Variants in ST3GAL3 observed in about 807,000 individuals in gnomAD.
The protein encoded by ST3GAL3 is CMP-N-acetylneuraminate-beta-1,4-galactoside alpha-2,3-sialyltransferase.
ST3GAL3 carries 21 observed loss-of-function variants against 50.1 expected under a neutral mutation model. The ratio of observed to expected loss-of-function variants is 0.42; its 90% CI spans 0.30 to 0.60. ST3GAL3 has a LOEUF of 0.60. Ranked by LOEUF, ST3GAL3 falls within the 20% of genes least tolerant of loss-of-function variation. The pLI is 0.19. For missense variants in ST3GAL3, 353 were observed against 489.4 expected (o/e 0.72, Z 2.63); for synonymous variants, 183 against 190.0 (o/e 0.96, Z 0.30).
chr1:43,712,806 A>G (rs1273858983), intron 1 of ST3GAL3, among the ~76,000 whole-genome samples: 1 of 152,208 alleles, frequency 6.6e-6, no homozygotes, highest in African/African-American at 2.4e-5. Context: ...TCCTAAAGAC[A>G]CTGGTGTGGC....
intron 9 of ST3GAL3, among the ~76,000 whole-genome samples, chr1:43,917,601 TATTA>T (rs1475011061): frequency 6.5e-5 from 1 of 15,366 alleles, no homozygotes; most frequent in Admixed American, 1.4e-3. Context: ...ATAATATATA[TATTA>T]TATATTATAT....
At chr1:43,907,431 A>G (rs2079990284) in intron 9 of ST3GAL3, among the ~76,000 whole-genome samples, 1 of 152,178 alleles carries the variant, frequency 6.6e-6, no homozygotes, top group South Asian at 2.1e-4. Flanking sequence ...GTAGCATCTC[A>G]GTGCTGCTTC....
At chr1:43,870,387 C>T (rs1348189651) in intron 5 of ST3GAL3, among the ~76,000 whole-genome samples, 1 of 152,228 alleles carries the variant, frequency 6.6e-6, no homozygotes. Flanking sequence ...GCCGCCAGGC[C>T]GTCACAATCA....
chr1:43,852,080 G>A (rs1409458629), intron 5 of ST3GAL3, among the ~76,000 whole-genome samples: 2 of 152,194 alleles, frequency 1.3e-5, no homozygotes, highest in Non-Finnish European at 2.9e-5. Context: ...GCAGACTAAG[G>A]AGCAGGCAGT....
intron 3 of ST3GAL3, among the ~76,000 whole-genome samples, chr1:43,808,547 G>A (rs1425001872): frequency 1.3e-5 from 2 of 152,212 alleles, no homozygotes; most frequent in Non-Finnish European, 2.9e-5. Flanking sequence ...TCTGAAAGAA[G>A]GGAAGCAGAT....
chr1:43,916,192 A>T (rs2081771149), intron 9 of ST3GAL3, among the ~76,000 whole-genome samples: 1 of 152,216 alleles, frequency 6.6e-6, no homozygotes, highest in South Asian at 2.1e-4. Context: ...TGTACCATTT[A>T]TGTTTCAGTT....
chr1:43,879,404 G>A (rs1358785304), intron 5 of ST3GAL3: 4 of 456,228 alleles, frequency 8.8e-6, no homozygotes, highest in South Asian at 1.5e-5. Context: ...TGGCCTCCTC[G>A]AGAGAATGGA....
At chr1:43,775,234 T>A (rs1696732101) in intron 2 of ST3GAL3, among the ~76,000 whole-genome samples, 2 of 128,858 alleles carry the variant, frequency 1.6e-5, no homozygotes, top group South Asian at 4.5e-4. Flanking sequence ...GAAATCTGAA[T>A]TTTTTTTTTT....
intron 2 of ST3GAL3, among the ~76,000 whole-genome samples, chr1:43,780,747 TTATGATATCC>T (rs1699106633): frequency 6.6e-6 from 1 of 152,172 alleles, no homozygotes; most frequent in South Asian, 2.1e-4. Flanking sequence ...AATATATTTT[TTATGATATCC>T]TCCACCTGTT....
intron 2 of ST3GAL3, among the ~76,000 whole-genome samples, chr1:43,752,395 T>C (rs1490907722): frequency 6.6e-6 from 1 of 152,240 alleles, no homozygotes; most frequent in Admixed American, 6.5e-5. Flanking sequence ...TCAAAGTTTG[T>C]GCTCTCAGTA....
At chr1:43,852,944 G>GT (rs776987113) in intron 5 of ST3GAL3, among the ~76,000 whole-genome samples, 6 of 152,146 alleles carry the variant, frequency 3.9e-5, no homozygotes, top group Admixed American at 6.5e-5. Flanking sequence ...AATTAGATAA[G>GT]TTTTTTTCAG....
intron 1 of ST3GAL3, among the ~76,000 whole-genome samples, chr1:43,715,257 C>T (rs1179141241): frequency 1.3e-5 from 2 of 151,572 alleles, no homozygotes; most frequent in African/African-American, 4.9e-5. Context: ...TTAAAAATCA[C>T]TGAGTACAAA....
Position 43,920,100 on chromosome 1 carries a change from C to T in ST3GAL3, c.745-304C>T, listed in dbSNP as rs57127744. 0.014 allele frequency: 6,220 copies of T among 436,552 alleles called. 355 individuals carry two copies. The highest frequency in any genetic ancestry group is 0.12 in the African/African-American group (5,774 of 49,766). The allele number at this position is 436,552 out of a possible 1,614,324, so 27.0% of individuals were successfully genotyped here. On this transcript the variant is annotated intron_variant, in intron 9 of 11. Coordinates refer to ENST00000347631, the MANE Select transcript of ST3GAL3 (RefSeq NM_006279.5). The stretch of plus-strand genomic sequence containing the variant: ...GGTCTTCTTATTGGCCCAGGAGCCC[C>T]CTCAGGCCACAGCAGCACACCCACA...
rs192462224 is a variant in ST3GAL3 at position 43,734,367 on chromosome 1, C to T, written c.-30-1866C>T. On this transcript the variant is annotated intron_variant, in intron 1 of 11. Transcript: ENST00000347631. ...TCACCCAGGCTGGAGTACAGTGGCA[C>T]GCTCACAACTCACTGCAGCCTCAAC... Among the ~76,000 whole-genome samples, 45 of 139,666 alleles carry T rather than the reference C, an allele frequency of 3.2e-4. 1 individual carries two copies. The East Asian group carries it at 8.6e-3, about 27-fold the overall frequency. The allele number at this position is 139,666 out of a possible 152,430, so 91.6% of individuals were successfully genotyped here.
chr1:43,827,043 C>G (rs80130421), intron 4 of ST3GAL3, among the ~76,000 whole-genome samples: 3,374 of 152,216 alleles, frequency 0.022, 130 homozygotes, highest in African/African-American at 0.076. Flanking sequence ...GGATGTCCCC[C>G]CTCTCACCAC....
rs565934671 is a variant in ST3GAL3 at position 43,745,931 on chromosome 1, G to A, written c.118+9551G>A. Among the ~76,000 whole-genome samples the A allele has an allele frequency of 3.9e-5, 6 of 152,300 alleles. No homozygotes were observed. In the South Asian group the frequency reaches 6.2e-4, roughly 16 times the overall value. On this transcript the variant is annotated intron_variant, in intron 2 of 11. Transcript: ENST00000347631. ...GGCATCAGTCACTGCGCCTGACCTAGATATGTTTTGATACGCAAATACCAT... is the reference window on the plus strand; with the variant it reads ...GGCATCAGTCACTGCGCCTGACCTAAATATGTTTTGATACGCAAATACCAT...
At chr1:43,920,287 TC>T in intron 9 of ST3GAL3, 116 bp from the exon 10 acceptor site, 1 of 1,263,460 alleles carries the variant, frequency 7.9e-7, no homozygotes, top group Middle Eastern at 2.4e-4. Context: ...GGCCCTGGGT[TC>T]CCCATTAAAC....
intron 3 of ST3GAL3, chr1:43,801,368 T>C (rs1213825707): frequency 2.2e-6 from 1 of 456,272 alleles, no homozygotes; most frequent in Non-Finnish European, 4.4e-6. Flanking sequence ...GCCAGTAGCA[T>C]GTTAGGCTCA....
At chr1:43,755,784 C>T (rs1009715278) in intron 2 of ST3GAL3, among the ~76,000 whole-genome samples, 3 of 151,974 alleles carry the variant, frequency 2.0e-5, no homozygotes, top group Non-Finnish European at 4.4e-5. Context: ...GAAGCATGAA[C>T]CATAAAATTA....
Sources: allele counts gnomAD v4.1 joint callset (sites outside exome capture counted in the v4.1 genomes callset), GRCh38; gene constraint gnomAD v4.1.1; transcripts MANE v1.5; gene names NCBI Gene and HGNC (gene_info 2026-07-23, HGNC 2026-07-21).